The following PIEZO2 variants were observed in gnomAD, a reference collection of about 807,000 sequenced individuals.
PIEZO2 encodes the protein piezo type mechanosensitive ion channel component 2.
PIEZO2 carries 172 observed loss-of-function variants against 337.3 expected under a neutral mutation model. The observed-to-expected ratio is 0.51, with a 90% CI of 0.45 to 0.58. The LOEUF is 0.58. PIEZO2 is among the 20% of genes least tolerant of loss of function. PIEZO2 has a pLI of 0.00. For missense variants in PIEZO2, 3,028 were observed against 3,391.3 expected (o/e 0.89, Z 2.66); for synonymous variants, 1,251 against 1,228.5 (o/e 1.02, Z -0.38).
chr18:11,035,245 G>C lies in PIEZO2; in HGVS notation c.160+30882C>G, dbSNP rs1446611391. Among the ~76,000 whole-genome samples, 1 of 152,154 alleles carries C rather than the reference G, an allele frequency of 6.6e-6. No individual in the cohort carries two copies. The highest frequency in any genetic ancestry group is 1.5e-5 in the Non-Finnish European group (1 of 68,030). On this transcript the variant is annotated intron_variant, in intron 2 of 55. Transcript: ENST00000674853. This position sits in a 1 kb window ranked among gnomAD's most constrained non-coding sequence, Gnocchi z 4.3. ...AGGTGTTTGGTCCCAGCAGTAATGA[G>C]AGAGTTCTTGCTCTGTTAGTTCACG...
intron 3 of PIEZO2, among the ~76,000 whole-genome samples, chr18:10,951,388 T>C (rs2033290637): frequency 2.0e-5 from 3 of 152,220 alleles, no homozygotes; most frequent in Admixed American, 1.3e-4. Context: ...TCTCTACATA[T>C]TTTATTTAAC....
At chr18:10,874,467 T>C (rs984238803) in intron 4 of PIEZO2, among the ~76,000 whole-genome samples, 5 of 152,164 alleles carry the variant, frequency 3.3e-5, no homozygotes, top group Non-Finnish European at 7.4e-5. Flanking sequence ...GCTAGGTATA[T>C]ACTCAAAAGA....
rs2040031164 is a variant in PIEZO2 at position 10,807,271 on chromosome 18, C to T, written c.921G>A (p.Leu307=). The change falls in exon 8 of 56, where the codon TTG becomes TTA. Residue 307 remains leucine, a synonymous_variant. Transcript: ENST00000674853. ...AVPPNDYYAR[L]FGIKSVIQTD... ...TTTGAATTACTGACTTGATACCAAA[C>T]AACCTGTTAAAAAACAAAGAAAAAT... The T allele has an allele frequency of 2.0e-6, 3 of 1,533,542 alleles. No individual in the cohort carries two copies. Among genetic ancestry groups the T allele is most frequent in the Non-Finnish European group, 2.6e-6 (3 of 1,144,370 alleles). 95.0% of individuals were successfully genotyped at this position (1,533,542 alleles called of 1,614,324 possible).
chr18:10,800,410 C>T lies in PIEZO2; in HGVS notation c.1305G>A (p.Met435Ile). The T allele has an allele frequency of 6.5e-7, 1 of 1,536,254 alleles. No homozygotes were observed. Among genetic ancestry groups the T allele is most frequent in the Non-Finnish European group, 8.7e-7 (1 of 1,146,512 alleles). Residue 435 changes from methionine (M) to isoleucine (I), a missense_variant, in exon 11 of 56, where the codon ATG becomes ATA. This residue lies in a region of PIEZO2 where 542 missense variants were observed against 605.6 expected (regional missense o/e 0.89). Transcript: ENST00000674853. Reference protein sequence around the residue: ...DYHTIHPSLPMENGPGKADLY... With the variant: ...DYHTIHPSLPIENGPGKADLY... ...GGTCGGCTTTGCCAGGGCCGTTCTCCATGGGCAGGCTTGGGTGGATGGTGT... is the reference window on the plus strand; with the variant it reads ...GGTCGGCTTTGCCAGGGCCGTTCTCTATGGGCAGGCTTGGGTGGATGGTGT...
At chr18:10,765,164 A>T (rs2143912224) in intron 21 of PIEZO2, among the ~76,000 whole-genome samples, 1 of 152,348 alleles carries the variant, frequency 6.6e-6, no homozygotes, top group Non-Finnish European at 1.5e-5. Context: ...GGAGGCACAC[A>T]GGCACTTGGT....
In PIEZO2 at chr18:11,069,767, TA is replaced by T. The variant is rs1319724505; in HGVS notation, c.65-3546del. Among the ~76,000 whole-genome samples, 1 of 152,176 alleles carries T rather than the reference TA, an allele frequency of 6.6e-6. No individual in the cohort carries two copies. The highest frequency in any genetic ancestry group is 1.9e-4 in the East Asian group (1 of 5,194). On this transcript the variant is annotated intron_variant, in intron 1 of 55. Transcript: ENST00000674853. The surrounding 1 kb of genome is among the most constrained non-coding windows in gnomAD (Gnocchi z 4.9). ...GTTTGCAGATGACATGATCTTATAT[TA>T]AGAAAACCCTAAAGATTCAACCAAA...
Position 10,970,000 on chromosome 18 carries a change from CA to C in PIEZO2, c.286+9534del, listed in dbSNP as rs35062123. Among the ~76,000 whole-genome samples, 25,679 of 150,496 alleles carry C rather than the reference CA, an allele frequency of 0.17. 2,248 individuals are homozygous for C. Among genetic ancestry groups the C allele is most frequent in the Middle Eastern group, 0.28 (81 of 292 alleles). On this transcript the variant is annotated intron_variant, in intron 3 of 55. Transcript: ENST00000674853. This position sits in a 1 kb window ranked among gnomAD's most constrained non-coding sequence, Gnocchi z 4.5. Reference sequence around the variant, plus strand: ...GCCACTGTGGTCAGTGCTCAGGTTACAAAAAAAAATGAAACATGAGAGGTTC... The same window carrying C: ...GCCACTGTGGTCAGTGCTCAGGTTACAAAAAAAATGAAACATGAGAGGTTC...
intron 36 of PIEZO2, among the ~76,000 whole-genome samples, chr18:10,721,579 G>GAA (rs139154922): frequency 6.7e-6 from 1 of 149,158 alleles, no homozygotes; most frequent in African/African-American, 2.5e-5. Context: ...ACACAATTCT[G>GAA]AAAAAAAAAG....
intron 7 of PIEZO2, among the ~76,000 whole-genome samples, chr18:10,841,103 T>C (rs1230297994): frequency 6.6e-6 from 1 of 152,192 alleles, no homozygotes; most frequent in African/African-American, 2.4e-5. Flanking sequence ...TATTTCTTGT[T>C]CAGGTGAGTG....
rs1232366042 is a variant in PIEZO2, at chr18:10,969,626, GATAA to G, written c.286+9905_286+9908del. On this transcript the variant is annotated intron_variant, in intron 3 of 55. Coordinates refer to ENST00000674853, the MANE Select transcript of PIEZO2 (RefSeq NM_001378183.1). The surrounding 1 kb of genome is among the most constrained non-coding windows in gnomAD (Gnocchi z 4.5). ...GAAATAAATACCAAGTAACTTAATT[GATAA>G]ATAGTTTCTAAAGAGAAATAAAACA... Among the ~76,000 whole-genome samples, 18 of 151,786 alleles carry G rather than the reference GATAA, an allele frequency of 1.2e-4. No homozygotes were observed. Among genetic ancestry groups the G allele is most frequent in the Non-Finnish European group, 2.4e-4 (16 of 67,950 alleles).
At position 10,979,679 on chromosome 18, in the gene PIEZO2, A is replaced by G. The variant is rs772081163; in HGVS notation, c.161-19T>C. The stretch of plus-strand genomic sequence containing the variant: ...GTATGTCCTAAGGGATAAAAAGTGC[A>G]GAGATTGTGAGAGAGCTTAAGATGA... On this transcript the variant is annotated intron_variant, in intron 2 of 55. Transcript: ENST00000674853. The surrounding 1 kb of genome is among the most constrained non-coding windows in gnomAD (Gnocchi z 4.0). 1.3e-6 allele frequency: 2 copies of G among 1,516,462 alleles called. No homozygotes were observed. The highest frequency in any genetic ancestry group is 1.8e-6 in the Non-Finnish European group (2 of 1,133,286). The allele number at this position is 1,516,462 out of a possible 1,614,324, so 93.9% of individuals were successfully genotyped here. A position where few individuals can be genotyped will look rare whatever the true frequency, so the allele number is the denominator to read the frequency against.
rs964172969 is a variant in PIEZO2, at chr18:10,894,923, G to T, written c.329+16263C>A. 6.6e-6 allele frequency: 1 copy of T among 152,216 alleles called. No individual in the cohort carries two copies. The highest frequency in any genetic ancestry group is 1.9e-4 in the East Asian group (1 of 5,192). The allele number at this position is 152,216 out of a possible 1,614,324, so 9.4% of individuals were successfully genotyped here. A position where few individuals can be genotyped will look rare whatever the true frequency, so the allele number is the denominator to read the frequency against. On this transcript the variant is annotated intron_variant, in intron 4 of 55. Transcript: ENST00000674853. This position sits in a 1 kb window ranked among gnomAD's most constrained non-coding sequence, Gnocchi z 4.1. ...TATAGATTCGCTGCCAGCAGCTCGG[G>T]ATACCTGCCACCACTAACATTTTGA...
rs1415483951 is a variant in PIEZO2 at position 10,672,564 on chromosome 18, G to A, written c.8345+126C>T. Reference sequence around the variant, plus strand: ...TTTGAAATAAAATGCACACAAGGATGTGTGCATTTTAATACTGCAGCTCTA... The same window carrying A: ...TTTGAAATAAAATGCACACAAGGATATGTGCATTTTAATACTGCAGCTCTA... On this transcript the variant is annotated intron_variant, in intron 55 of 55. Transcript: ENST00000674853. This position sits in a 1 kb window ranked among gnomAD's most constrained non-coding sequence, Gnocchi z 4.7. 4.9e-6 allele frequency: 5 copies of A among 1,013,974 alleles called. No homozygotes were observed. The highest frequency in any genetic ancestry group is 2.6e-5 in the Admixed American group (1 of 38,602). 62.8% of individuals were successfully genotyped at this position (1,013,974 alleles called of 1,614,324 possible).
chr18:10,896,674 A>G (rs2144972547), intron 4 of PIEZO2, among the ~76,000 whole-genome samples: 1 of 152,284 alleles, frequency 6.6e-6, no homozygotes, highest in African/African-American at 2.4e-5. Flanking sequence ...TCCCTGTGCT[A>G]CTGAGTAGAC....
chr18:10,706,632 CT>C (rs1283937709), intron 40 of PIEZO2, among the ~76,000 whole-genome samples: 5 of 152,206 alleles, frequency 3.3e-5, no homozygotes, highest in Admixed American at 1.3e-4. Context: ...CTGTTCTTTT[CT>C]CTCATATCCT....
At chr18:10,760,675 C>T (rs2038086406) in intron 24 of PIEZO2, among the ~76,000 whole-genome samples, 1 of 152,212 alleles carries the variant, frequency 6.6e-6, no homozygotes, top group Non-Finnish European at 1.5e-5. Context: ...ATTTAGATGG[C>T]TCTGGAGATC....
At chr18:10,883,138 A>C (rs2042471469) in intron 4 of PIEZO2, among the ~76,000 whole-genome samples, 1 of 152,188 alleles carries the variant, frequency 6.6e-6, no homozygotes, top group Non-Finnish European at 1.5e-5. Flanking sequence ...CACCAGGCCT[A>C]TGTACCACAT....
At chr18:10,931,016 T>C (rs1415119162) in intron 3 of PIEZO2, among the ~76,000 whole-genome samples, 1 of 152,222 alleles carries the variant, frequency 6.6e-6, no homozygotes, top group African/African-American at 2.4e-5. Flanking sequence ...TTTGCTATTC[T>C]AGACTGCAAT....
chr18:10,678,716 C>G (rs1025622142), intron 52 of PIEZO2, among the ~76,000 whole-genome samples: 1 of 152,190 alleles, frequency 6.6e-6, no homozygotes, highest in African/African-American at 2.4e-5. Context: ...AGAACTTCTG[C>G]TGAGATATGC....
Sources: gnomAD v4.1 joint callset for allele counts (sites outside exome capture counted in the v4.1 genomes callset) on GRCh38, gnomAD v4.1.1 for gene constraint, gnomAD v4.1.1 regional missense constraint, Gnocchi (gnomAD v3.1) non-coding constraint, MANE v1.5 for transcripts, NCBI Gene and HGNC (gene_info 2026-07-23, HGNC 2026-07-21) for gene names.